CAMKMT: variants seen among roughly 807,000 people sequenced by gnomAD.
The protein encoded by CAMKMT is calmodulin-lysine N-methyltransferase, also known as CaM KMT.
In CAMKMT, 53 loss-of-function variants were observed where a neutral mutation model predicts 48.0. That is an observed-to-expected ratio of 1.10 (90% CI 0.89 to 1.39). CAMKMT has a LOEUF of 1.39. CAMKMT is among the 40% of genes most tolerant of loss of function. The pLI is 0.00. For synonymous variants in CAMKMT, 165 were observed against 152.3 expected, an observed-to-expected ratio of 1.08 and a Z score of -0.61; for missense variants, 428 against 402.7, an observed-to-expected ratio of 1.06 and a Z score of -0.54.
At chr2:44,746,348 C>G (rs1223312873) in intron 8 of CAMKMT, among the ~76,000 whole-genome samples, 1 of 152,160 alleles carries the variant, frequency 6.6e-6, no homozygotes, top group Admixed American at 6.5e-5. Context: ...AAGTAAAATG[C>G]ACATGATTAC....
At chr2:44,414,186 T>A (rs1558593047) in intron 3 of CAMKMT, among the ~76,000 whole-genome samples, 3 of 152,220 alleles carry the variant, frequency 2.0e-5, no homozygotes, top group Non-Finnish European at 4.4e-5. Flanking sequence ...TTCTGGTTGT[T>A]CCAAAGGAAA....
At chr2:44,644,338 C>T (rs908304973) in intron 3 of CAMKMT, among the ~76,000 whole-genome samples, 1 of 152,164 alleles carries the variant, frequency 6.6e-6, no homozygotes, top group Non-Finnish European at 1.5e-5. Context: ...ATGGACCCTT[C>T]AAGAAGTAAG....
At chr2:44,598,571 T>C (rs1245045573) in intron 3 of CAMKMT, among the ~76,000 whole-genome samples, 1 of 151,242 alleles carries the variant, frequency 6.6e-6, no homozygotes, top group Non-Finnish European at 1.5e-5. Context: ...TACAGCACTT[T>C]TAGTCTATGA....
intron 3 of CAMKMT, among the ~76,000 whole-genome samples, chr2:44,509,092 T>C (rs1251461258): frequency 1.6e-5 from 1 of 63,012 alleles, no homozygotes; most frequent in Non-Finnish European, 2.9e-5. Flanking sequence ...CCAGACCCCA[T>C]GTCAAAAAAA....
chr2:44,620,254 A>G (rs1244523758), intron 3 of CAMKMT, among the ~76,000 whole-genome samples: 1 of 151,752 alleles, frequency 6.6e-6, no homozygotes, highest in Non-Finnish European at 1.5e-5. Flanking sequence ...CTGTTATCCT[A>G]TTGTCCTTTG....
At chr2:44,417,003 G>A (rs1683603740) in intron 3 of CAMKMT, among the ~76,000 whole-genome samples, 1 of 151,868 alleles carries the variant, frequency 6.6e-6, no homozygotes, top group African/African-American at 2.4e-5. Flanking sequence ...GCCTGATCAT[G>A]GCTCACTGAA....
chr2:44,607,682 G>A lies in CAMKMT; in HGVS notation c.377-96601G>A, dbSNP rs552255228. On this transcript the variant is annotated intron_variant, in intron 3 of 10. Coordinates refer to ENST00000378494, the MANE Select transcript of CAMKMT (RefSeq NM_024766.5). ...GTTACAGTGATTTAAGTGCAGAAAT[G>A]TGTAATTGATGCAATTAGGTGCTTC... is the stretch of plus-strand genomic sequence containing the variant. Among the ~76,000 whole-genome samples, 21 of 152,256 alleles carry A rather than the reference G, an allele frequency of 1.4e-4. No homozygotes were observed. The South Asian group carries it at 3.5e-3, about 26-fold the overall frequency.
intron 3 of CAMKMT, among the ~76,000 whole-genome samples, chr2:44,450,685 T>A (rs1017049565): frequency 2.0e-5 from 3 of 152,160 alleles, no homozygotes; most frequent in African/African-American, 7.2e-5. Context: ...TAATTAGCAT[T>A]TCTTTCGTAT....
At chr2:44,700,880 G>C (rs1036985747) in intron 3 of CAMKMT, among the ~76,000 whole-genome samples, 5 of 152,164 alleles carry the variant, frequency 3.3e-5, no homozygotes, top group South Asian at 2.1e-4. Context: ...TAGATATGCA[G>C]CATCTACAAA....
At chr2:44,586,079 A>G (rs1669841311) in intron 3 of CAMKMT, among the ~76,000 whole-genome samples, 1 of 152,192 alleles carries the variant, frequency 6.6e-6, no homozygotes, top group Admixed American at 6.5e-5. Context: ...CCACTCTTCA[A>G]ATCGTACAGA....
intron 3 of CAMKMT, among the ~76,000 whole-genome samples, chr2:44,662,138 C>T (rs748837844): frequency 5.3e-5 from 8 of 152,166 alleles, no homozygotes; most frequent in Non-Finnish European, 1.0e-4. Context: ...AGACAGTTCC[C>T]ATGTTTTACT....
chr2:44,603,123 T>G (rs1671093958), intron 3 of CAMKMT, among the ~76,000 whole-genome samples: 2 of 151,950 alleles, frequency 1.3e-5, no homozygotes, highest in Admixed American at 6.6e-5. Flanking sequence ...GAGACTTGCT[T>G]TGTCACCCAG....
chr2:44,650,600 A>T (rs1352886359), intron 3 of CAMKMT, among the ~76,000 whole-genome samples: 1 of 152,202 alleles, frequency 6.6e-6, no homozygotes, highest in African/African-American at 2.4e-5. Flanking sequence ...TACTTTAACT[A>T]CAAAATTGTG....
chr2:44,422,696 CT>C (rs76922823), intron 3 of CAMKMT, among the ~76,000 whole-genome samples: 3,299 of 144,118 alleles, frequency 0.023, 37 homozygotes, highest in Non-Finnish European at 0.034. Flanking sequence ...ACATAAATTT[CT>C]TTTTTTTTTT....
intron 3 of CAMKMT, among the ~76,000 whole-genome samples, chr2:44,460,716 C>G (rs903000608): frequency 9.7e-6 from 1 of 103,236 alleles, no homozygotes. Flanking sequence ...GTGATAGATT[C>G]TTTTTTTTTT....
At chr2:44,764,731 T>G (rs959409698) in intron 9 of CAMKMT, among the ~76,000 whole-genome samples, 21 of 152,226 alleles carry the variant, frequency 1.4e-4, no homozygotes, top group African/African-American at 4.8e-4. Flanking sequence ...CAATGTCTAC[T>G]GTACAGGTTG....
chr2:44,511,566 G>C (rs1670556335), intron 3 of CAMKMT, among the ~76,000 whole-genome samples: 1 of 152,340 alleles, frequency 6.6e-6, no homozygotes, highest in Non-Finnish European at 1.5e-5. Context: ...TGGGATTACA[G>C]ATATGAGCCA....
At chr2:44,656,642 C>T (rs897743881) in intron 3 of CAMKMT, among the ~76,000 whole-genome samples, 7 of 151,996 alleles carry the variant, frequency 4.6e-5, no homozygotes, top group Non-Finnish European at 7.4e-5. Context: ...TCACTGAGCA[C>T]GCTGAAACCC....
chr2:44,574,842 G>A (rs1287988671), intron 3 of CAMKMT, among the ~76,000 whole-genome samples: 1 of 151,964 alleles, frequency 6.6e-6, no homozygotes, highest in African/African-American at 2.4e-5. Flanking sequence ...CCAGGTTCAA[G>A]CAATTCTCCT....
Sources: allele counts gnomAD v4.1 joint callset (sites outside exome capture counted in the v4.1 genomes callset), GRCh38; gene constraint gnomAD v4.1.1; transcripts MANE v1.5; gene names NCBI Gene and HGNC (gene_info 2026-07-23, HGNC 2026-07-21).